The following CSMD1 variants were observed in gnomAD, a reference collection of about 807,000 sequenced individuals.
CSMD1 encodes the protein CUB and sushi domain-containing protein 1.
CSMD1 carries 213 observed loss-of-function variants against 417.5 expected under a neutral mutation model. That is an observed-to-expected ratio of 0.51 (90% CI 0.46 to 0.57). The LOEUF is 0.57. Among genes scored for constraint, CSMD1 ranks in the 20% least tolerant of loss-of-function variants. CSMD1 has a pLI of 0.00. For synonymous variants in CSMD1, 2,862 were observed against 1,736.8 expected, an observed-to-expected ratio of 1.65 and a Z score of -16.11; for missense variants, 6,923 against 4,529.7, an observed-to-expected ratio of 1.53 and a Z score of -15.17.
intron 3 of CSMD1, among the ~76,000 whole-genome samples, chr8:4,139,031 T>C (rs1803613120): frequency 6.6e-6 from 1 of 152,154 alleles, no homozygotes; most frequent in African/African-American, 2.4e-5. Flanking sequence ...TGCTGCATGT[T>C]TCAGCACCTG....
intron 26 of CSMD1, among the ~76,000 whole-genome samples, chr8:3,272,568 G>A (rs1281129031): frequency 7.3e-6 from 1 of 137,158 alleles, no homozygotes; most frequent in South Asian, 2.5e-4. Flanking sequence ...CATGAGCATG[G>A]AATGTTCTTC....
intron 5 of CSMD1, among the ~76,000 whole-genome samples, chr8:3,864,834 C>T (rs764876588): frequency 3.3e-5 from 5 of 152,126 alleles, no homozygotes; most frequent in Non-Finnish European, 5.9e-5. Context: ...GAAACATTTC[C>T]TAGACATTTT....
At chr8:4,593,109 C>G (rs1325895124) in intron 2 of CSMD1, among the ~76,000 whole-genome samples, 1 of 152,152 alleles carries the variant, frequency 6.6e-6, no homozygotes, top group Admixed American at 6.5e-5. Flanking sequence ...ATTTCTTGGT[C>G]TCATTCCTTT....
chr8:3,817,195 G>C (rs1021916086), intron 5 of CSMD1, among the ~76,000 whole-genome samples: 2 of 140,332 alleles, frequency 1.4e-5, no homozygotes, highest in African/African-American at 5.2e-5. Context: ...AATGAAAATG[G>C]TCAATTGTCC....
At chr8:4,225,807 G>A (rs10105671) in intron 3 of CSMD1, among the ~76,000 whole-genome samples, 63,657 of 151,818 alleles carry the variant, frequency 0.42, 13,822 homozygotes, top group South Asian at 0.63. Context: ...TTTATTGCAT[G>A]ACATTCTTAG....
chr8:4,826,864 G>A lies in CSMD1; in HGVS notation c.85+167468C>T, dbSNP rs189904399. 3.3e-5 allele frequency among the ~76,000 whole-genome samples: 5 copies of A among 152,188 alleles called. No homozygotes were observed. The South Asian group carries it at 8.3e-4, about 25-fold the overall frequency. On this transcript the variant is annotated intron_variant, in intron 1 of 69. Coordinates refer to ENST00000635120, the MANE Select transcript of CSMD1 (RefSeq NM_033225.6). Reference sequence around the variant, plus strand: ...GTTATTAGTGCCAGCTGACGGATAAGAAAAACTAGATTTAGAGTGATTATT... The same window carrying A: ...GTTATTAGTGCCAGCTGACGGATAAAAAAAACTAGATTTAGAGTGATTATT...
chr8:3,671,950 G>A (rs1367420488), intron 7 of CSMD1, among the ~76,000 whole-genome samples: 3 of 151,944 alleles, frequency 2.0e-5, no homozygotes, highest in Non-Finnish European at 2.9e-5. Flanking sequence ...GAAAGTTTTC[G>A]ACCACACATT....
At chr8:3,722,631 T>G (rs914322606) in intron 6 of CSMD1, among the ~76,000 whole-genome samples, 1 of 152,164 alleles carries the variant, frequency 6.6e-6, no homozygotes, top group Non-Finnish European at 1.5e-5. Context: ...TTAGTAAAAC[T>G]GTTTGGTCCA....
chr8:3,175,830 G>T (rs1435294035), intron 37 of CSMD1, among the ~76,000 whole-genome samples: 2 of 152,040 alleles, frequency 1.3e-5, no homozygotes, highest in African/African-American at 4.8e-5. Context: ...AACTTCACTG[G>T]GTTTCCTAGT....
intron 3 of CSMD1, among the ~76,000 whole-genome samples, chr8:4,320,234 C>G (rs1244458920): frequency 6.6e-6 from 1 of 151,978 alleles, no homozygotes; most frequent in African/African-American, 2.4e-5. Flanking sequence ...AATTACCAGG[C>G]ATGAAAAGAA....
intron 5 of CSMD1, among the ~76,000 whole-genome samples, chr8:3,841,365 T>C (rs6990807): frequency 0.12 from 17,891 of 152,142 alleles, 1,469 homozygotes; most frequent in African/African-American, 0.23. Context: ...CATGCTTTCG[T>C]TATGTGGTTC....
chr8:4,730,440 A>T lies in CSMD1; in HGVS notation c.86-92882T>A, dbSNP rs960134835. 5.8e-4 allele frequency among the ~76,000 whole-genome samples: 88 copies of T among 152,252 alleles called. 1 individual carries two copies. The highest frequency in any genetic ancestry group is 2.1e-3 in the African/African-American group (88 of 41,560). The stretch of plus-strand genomic sequence containing the variant: ...GTGGGGTCATTCAAAGAATAATCAG[A>T]TTTAAGAATAAAGAAAATGGCCAGG... On this transcript the variant is annotated intron_variant, in intron 1 of 69. Transcript: ENST00000635120.
chr8:4,389,091 G>C (rs1803666278), intron 3 of CSMD1, among the ~76,000 whole-genome samples: 1 of 152,182 alleles, frequency 6.6e-6, no homozygotes. Context: ...TTATAGGAAT[G>C]TTTCCAGTGA....
At chr8:4,549,206 C>G (rs919192508) in intron 2 of CSMD1, among the ~76,000 whole-genome samples, 6 of 152,134 alleles carry the variant, frequency 3.9e-5, no homozygotes, top group African/African-American at 1.4e-4. Flanking sequence ...GGAAATCACT[C>G]CATTGGCAGC....
chr8:4,940,174 G>C (rs1430129994), intron 1 of CSMD1, among the ~76,000 whole-genome samples: 7 of 152,230 alleles, frequency 4.6e-5, no homozygotes, highest in African/African-American at 9.6e-5. Flanking sequence ...GCAAGATATT[G>C]ACTGACCTAT....
chr8:4,189,345 A>T (rs1313141809), intron 3 of CSMD1, among the ~76,000 whole-genome samples: 2 of 152,228 alleles, frequency 1.3e-5, no homozygotes, highest in Non-Finnish European at 2.9e-5. Context: ...GTTTATTAGG[A>T]ATAATGATAA....
intron 3 of CSMD1, among the ~76,000 whole-genome samples, chr8:4,074,741 A>C (rs992543770): frequency 3.9e-5 from 6 of 152,074 alleles, no homozygotes; most frequent in Admixed American, 3.9e-4. Context: ...TTTAGGAAAA[A>C]GAAACAAACA....
At chr8:3,866,094 C>G (rs1001579807) in intron 5 of CSMD1, among the ~76,000 whole-genome samples, 4 of 152,032 alleles carry the variant, frequency 2.6e-5, no homozygotes, top group Non-Finnish European at 5.9e-5. Context: ...AGCTTTCTTC[C>G]AAATAAGGAT....
intron 30 of CSMD1, among the ~76,000 whole-genome samples, chr8:3,213,871 T>C (rs1279016596): frequency 2.6e-5 from 4 of 151,388 alleles, no homozygotes; most frequent in East Asian, 1.9e-4. Context: ...TATATATATA[T>C]ATATGAGATG....
Sources: allele counts gnomAD v4.1 joint callset (sites outside exome capture counted in the v4.1 genomes callset), GRCh38; gene constraint gnomAD v4.1.1; transcripts MANE v1.5; gene names NCBI Gene and HGNC (gene_info 2026-07-23, HGNC 2026-07-21).